EPHA6: variants seen among roughly 807,000 people sequenced by gnomAD.
The protein encoded by EPHA6 is EPH receptor A6, also known as ephrin type-A receptor 6.
In EPHA6, 50 loss-of-function variants were observed where a neutral mutation model predicts 112.0. The ratio of observed to expected loss-of-function variants is 0.45; its 90% CI spans 0.36 to 0.56. The LOEUF (loss-of-function observed/expected upper bound fraction) is 0.56. EPHA6 is among the 20% of genes least tolerant of loss of function. The pLI is 0.00. For synonymous variants in EPHA6, 529 were observed against 490.7 expected, an observed-to-expected ratio of 1.08 and a Z score of -1.03; for missense variants, 1,280 against 1,417.4, an observed-to-expected ratio of 0.90 and a Z score of 1.56.
chr3:97,558,282 C>T (rs192753714), intron 11 of EPHA6, among the ~76,000 whole-genome samples: 6 of 152,050 alleles, frequency 3.9e-5, no homozygotes, highest in Admixed American at 3.9e-4. Context: ...CCACAGGCAT[C>T]TAGCTGAAAC....
chr3:97,555,994 CCTCCTTTACTGAG>C (rs1287793256), intron 11 of EPHA6, among the ~76,000 whole-genome samples: 1 of 151,986 alleles, frequency 6.6e-6, no homozygotes, highest in African/African-American at 2.4e-5. Flanking sequence ...TCCCAAACCA[CCTCCTTTACTGAG>C]CTCTAATACA....
At chr3:97,146,539 T>C (rs1490879927) in intron 3 of EPHA6, among the ~76,000 whole-genome samples, 1 of 151,854 alleles carries the variant, frequency 6.6e-6, no homozygotes, top group African/African-American at 2.4e-5. Context: ...AACTGAAAGA[T>C]TTTCACAGCT....
chr3:97,040,157 A>G (rs928482465), intron 3 of EPHA6, among the ~76,000 whole-genome samples: 2 of 151,670 alleles, frequency 1.3e-5, no homozygotes. Context: ...AAATACTTAT[A>G]TTTATCAGCA....
intron 14 of EPHA6, among the ~76,000 whole-genome samples, chr3:97,667,245 A>G (rs1015164418): frequency 1.3e-5 from 2 of 152,236 alleles, no homozygotes; most frequent in Non-Finnish European, 2.9e-5. Flanking sequence ...ATACAAATTT[A>G]TTTATAGATA....
At chr3:97,529,619 T>C (rs1219795616) in intron 10 of EPHA6, among the ~76,000 whole-genome samples, 1 of 152,000 alleles carries the variant, frequency 6.6e-6, no homozygotes, top group Admixed American at 6.6e-5. Context: ...TCTGAAACTA[T>C]GCATTTAATT....
chr3:96,953,173 AG>A (rs2041621315), intron 2 of EPHA6, among the ~76,000 whole-genome samples: 1 of 152,192 alleles, frequency 6.6e-6, no homozygotes, highest in African/African-American at 2.4e-5. Context: ...CTAACCAAGG[AG>A]TTTATTTTTT....
At chr3:96,893,115 C>G (rs372204333) in intron 2 of EPHA6, among the ~76,000 whole-genome samples, 1 of 152,044 alleles carries the variant, frequency 6.6e-6, no homozygotes, top group East Asian at 1.9e-4. Flanking sequence ...AACATCATAG[C>G]ACAATGCATT....
intron 3 of EPHA6, among the ~76,000 whole-genome samples, chr3:97,097,668 A>G (rs984832685): frequency 2.0e-5 from 3 of 151,894 alleles, no homozygotes; most frequent in African/African-American, 7.2e-5. Flanking sequence ...ATGGAAATGC[A>G]TGCCATATCA....
chr3:97,521,121 T>G (rs924565344), intron 10 of EPHA6, among the ~76,000 whole-genome samples: 1 of 152,032 alleles, frequency 6.6e-6, no homozygotes, highest in Non-Finnish European at 1.5e-5. Context: ...CTGATTTCTT[T>G]GTATTACTTA....
At chr3:97,282,802 C>A (rs538012912) in intron 5 of EPHA6, among the ~76,000 whole-genome samples, 2 of 152,218 alleles carry the variant, frequency 1.3e-5, no homozygotes, top group African/African-American at 4.8e-5. Context: ...CACATGGACA[C>A]AGGGAGGGGA....
intron 5 of EPHA6, among the ~76,000 whole-genome samples, chr3:97,337,418 A>G (rs1162617061): frequency 2.6e-5 from 4 of 152,084 alleles, no homozygotes; most frequent in Admixed American, 2.6e-4. Flanking sequence ...AAGTCATTCT[A>G]TTTCTCTTCT....
chr3:97,533,035 TTCC>T (rs2092713037), intron 11 of EPHA6, among the ~76,000 whole-genome samples: 1 of 151,930 alleles, frequency 6.6e-6, no homozygotes, highest in Non-Finnish European at 1.5e-5. Flanking sequence ...AAGTTTACAA[TTCC>T]TCAAGTAAAA....
At chr3:97,527,083 A>G (rs1407215206) in intron 10 of EPHA6, among the ~76,000 whole-genome samples, 2 of 152,162 alleles carry the variant, frequency 1.3e-5, no homozygotes, top group Non-Finnish European at 2.9e-5. Flanking sequence ...AAGCTGTTAC[A>G]GGATAGCTTT....
At chr3:96,883,714 G>T (rs1463434996) in intron 2 of EPHA6, among the ~76,000 whole-genome samples, 2 of 152,072 alleles carry the variant, frequency 1.3e-5, no homozygotes, top group East Asian at 3.9e-4. Flanking sequence ...CACCAAGGCT[G>T]GAGTAAAGTG....
chr3:97,468,625 C>T (rs2091134885), intron 7 of EPHA6, among the ~76,000 whole-genome samples: 1 of 151,402 alleles, frequency 6.6e-6, no homozygotes, highest in South Asian at 2.1e-4. Flanking sequence ...ACATTATTTT[C>T]TATTAATTTA....
rs373698245 is a variant in EPHA6, at chr3:97,154,182, T to A, written c.1115-72082T>A. On this transcript the variant is annotated intron_variant, in intron 3 of 17. Transcript: ENST00000389672. ...CACTGTCTCAAAAAAAAAAAAAAAA[T>A]ATCAGTCTTTGATGGAAACTATTAG... Among the ~76,000 whole-genome samples, 461 of 134,934 alleles carry A rather than the reference T, an allele frequency of 3.4e-3. 3 individuals are homozygous for A. The highest frequency in any genetic ancestry group is 0.016 in the African/African-American group (425 of 26,728). The allele number at this position is 134,934 out of a possible 152,430, so 88.5% of individuals were successfully genotyped here.
At chr3:97,105,518 G>A (rs2047539863) in intron 3 of EPHA6, among the ~76,000 whole-genome samples, 1 of 152,108 alleles carries the variant, frequency 6.6e-6, no homozygotes, top group African/African-American at 2.4e-5. Context: ...CCAATAGTGT[G>A]TTTGGTACAA....
At chr3:97,691,137 A>G (rs528194600) in intron 14 of EPHA6, among the ~76,000 whole-genome samples, 2 of 152,306 alleles carry the variant, frequency 1.3e-5, no homozygotes, top group South Asian at 4.1e-4. Flanking sequence ...TTAGGAGTCT[A>G]ATTTTCTTCT....
chr3:97,195,885 G>A (rs1271012187), intron 3 of EPHA6, among the ~76,000 whole-genome samples: 1 of 151,874 alleles, frequency 6.6e-6, no homozygotes, highest in Non-Finnish European at 1.5e-5. Context: ...TGTTATTTGT[G>A]TCTTTTTTCT....
Sources: allele counts gnomAD v4.1 joint callset (sites outside exome capture counted in the v4.1 genomes callset), GRCh38; gene constraint gnomAD v4.1.1; transcripts MANE v1.5; gene names NCBI Gene and HGNC (gene_info 2026-07-23, HGNC 2026-07-21).